RCVRN: variants seen among roughly 807,000 people sequenced by gnomAD.
RCVRN encodes the protein cancer associated retinopathy antigen.
A neutral mutation model predicts 20.4 loss-of-function variants in RCVRN; 23 were observed. The observed-to-expected ratio is 1.13, with a 90% CI of 0.81 to 1.60. The LOEUF (loss-of-function observed/expected upper bound fraction) is 1.60. RCVRN is among the 40% of genes most tolerant of loss of function. The probability of loss-of-function intolerance (pLI) is 0.00; values close to 1 mark genes in which losing one functional copy is unlikely to be tolerated. For missense variants in RCVRN, 254 were observed against 254.2 expected (o/e 1.00, Z 0.00); for synonymous variants, 105 against 105.9 (o/e 0.99, Z 0.05).
In RCVRN at chr17:9,904,975, A is replaced by C. The variant is rs1380879375; in HGVS notation, c.206T>G (p.Val69Gly). ...DTDPKAYAQH[V>G]FRSFDSNLDG... ...GAGGTTGGAATCGAAGCTGCGGAAC[A>C]CATGCTGGGCGTAGGCCTTGGGGTC... Residue 69 changes from valine to glycine, a missense_variant, in exon 1 of 3, where the codon GTG becomes GGG. Val to Gly is a moderately radical substitution (Grantham distance 109, BLOSUM62 -3). Transcript: ENST00000226193. The surrounding 1 kb of genome is among the most constrained non-coding windows in gnomAD (Gnocchi z 5.8). 1 of 1,614,174 alleles carries C rather than the reference A, an allele frequency of 6.2e-7. No individual in the cohort carries two copies. The highest frequency in any genetic ancestry group is 1.7e-5 in the Admixed American group (1 of 60,028).
chr17:9,898,206 T>C lies in RCVRN; in HGVS notation c.494-2A>G. The stretch of plus-strand genomic sequence containing the variant: ...TGAATTCTTTCTCTGTAAGTTTATC[T>C]GTGCATTGGGAAAAAATATATACGT... On this transcript the variant is annotated splice_acceptor_variant, in intron 2 of 2. Transcript: ENST00000226193. LOFTEE classifies it high-confidence loss of function. 1 of 1,591,912 alleles carries C rather than the reference T, an allele frequency of 6.3e-7. No homozygotes were observed. Among genetic ancestry groups the C allele is most frequent in the African/African-American group, 1.3e-5 (1 of 74,562 alleles).
At chr17:9,901,574 G>A (rs1053368728) in intron 1 of RCVRN, among the ~76,000 whole-genome samples, 4 of 152,202 alleles carry the variant, frequency 2.6e-5, no homozygotes, top group Non-Finnish European at 5.9e-5. Flanking sequence ...CTGGATAAAG[G>A]AGTAAAGAGG....
At chr17:9,903,781 C>T (rs1055488864) in intron 1 of RCVRN, among the ~76,000 whole-genome samples, 1 of 152,158 alleles carries the variant, frequency 6.6e-6, no homozygotes, top group African/African-American at 2.4e-5. Context: ...ATGGTAGAGC[C>T]GACTACATCC....
rs534691469 is a variant in RCVRN, at chr17:9,901,071, G to A, written c.411C>T (p.Asp137=). The A allele has an allele frequency of 1.8e-4, 291 of 1,605,296 alleles. 2 individuals are homozygous for A. In the South Asian group the frequency reaches 2.6e-3, roughly 15 times the overall value. ...TTTCATCGTCTGGAAGGAGCTTCAC[G>A]TCCTCGGGAGTGATCATTTTGAAAA... ...MAIFKMITPE[D]VKLLPDDENT... The change falls in exon 2 of 3, where the codon GAC becomes GAT. Residue 137 remains aspartate (D), a synonymous_variant. Transcript: ENST00000226193.
rs1365998563 is a variant in RCVRN, at chr17:9,897,445, C to T, written c.*650G>A. ...CTTCGTCAGGGATGTGGTCCCTGAT[C>T]CCCCCTGACAAGTCAGCCCCTTCCA... On this transcript the variant is annotated 3_prime_UTR_variant, in exon 3 of 3. Transcript: ENST00000226193. The T allele has an allele frequency of 6.6e-6, 1 of 151,266 alleles. No homozygotes were observed. Among genetic ancestry groups the T allele is most frequent in the East Asian group, 2.0e-4 (1 of 5,062 alleles). 9.4% of individuals were successfully genotyped at this position (151,266 alleles called of 1,614,324 possible).
Position 9,898,066 on chromosome 17 carries a change from G to A in RCVRN, c.*29C>T. The A allele has an allele frequency of 6.7e-7, 1 of 1,496,830 alleles. No homozygotes were observed. Among genetic ancestry groups the A allele is most frequent in the Non-Finnish European group, 9.3e-7 (1 of 1,073,424 alleles). 92.7% of individuals were successfully genotyped at this position (1,496,830 alleles called of 1,614,324 possible). ...CTCACGGGTGTCATGTGAGTGGTAGGTGGAGGGAGGACAGCTGAACAGTTG... is the reference window on the plus strand; with the variant it reads ...CTCACGGGTGTCATGTGAGTGGTAGATGGAGGGAGGACAGCTGAACAGTTG... On this transcript the variant is annotated 3_prime_UTR_variant, in exon 3 of 3. Coordinates refer to ENST00000226193, the MANE Select transcript of RCVRN (RefSeq NM_002903.3).
intron 1 of RCVRN, among the ~76,000 whole-genome samples, chr17:9,902,563 T>TAAGAA: frequency 6.7e-6 from 1 of 149,416 alleles, no homozygotes; most frequent in Non-Finnish European, 1.5e-5. Flanking sequence ...TGAAAAAGAA[T>TAAGAA]AAATTAAAAA....
At position 9,898,110 on chromosome 17, in the gene RCVRN, C is replaced by T. The variant is rs774442625; in HGVS notation, c.588G>A (p.Lys196=). The change falls in exon 3 of 3, where the codon AAG becomes AAA. Residue 196 remains lysine, a synonymous_variant. Transcript: ENST00000226193. ...ACAGTTGGCATCAGGCGTTCTTCAT[C>T]TTTTCCTTCACTTTTTGAGGCTCAA... ...IQFEPQKVKE[K]MKNA The T allele has an allele frequency of 5.0e-6, 8 of 1,613,510 alleles. No homozygotes were observed. Among genetic ancestry groups the T allele is most frequent in the Non-Finnish European group, 6.8e-6 (8 of 1,179,468 alleles).
Position 9,899,389 on chromosome 17 carries a change from T to C in RCVRN, c.494-1185A>G, listed in dbSNP as rs190213690. 4.6e-5 allele frequency among the ~76,000 whole-genome samples: 7 copies of C among 152,268 alleles called. No homozygotes were observed. Among genetic ancestry groups the C allele is most frequent in the African/African-American group, 1.7e-4 (7 of 41,552 alleles). On this transcript the variant is annotated intron_variant, in intron 2 of 2. Transcript: ENST00000226193. The surrounding 1 kb of genome is among the most constrained non-coding windows in gnomAD (Gnocchi z 4.6). The stretch of plus-strand genomic sequence containing the variant: ...AAAGCCTGACTCTGCCCTGAGGCAT[T>C]GTCTCCAGATGGGCCGCGTGGAAAC...
In RCVRN at chr17:9,896,750, T is replaced by A. The variant is rs1439187368; in HGVS notation, c.*1345A>T. On this transcript the variant is annotated 3_prime_UTR_variant, in exon 3 of 3. Transcript: ENST00000226193. ...TTCCTTGTCTCTAAAACAAGGGGCT[T>A]TAGGGCCATCTATGGCTCTGCCTTC... The A allele has an allele frequency of 6.6e-6, 1 of 152,276 alleles. No homozygotes were observed. The highest frequency in any genetic ancestry group is 1.5e-5 in the Non-Finnish European group (1 of 68,076). The allele number at this position is 152,276 out of a possible 1,614,324, so 9.4% of individuals were successfully genotyped here.
rs2067319866 is a variant in RCVRN, at chr17:9,897,017, C to A, written c.*1078G>T. 2 of 152,394 alleles carry A rather than the reference C, an allele frequency of 1.3e-5. No homozygotes were observed. Among genetic ancestry groups the A allele is most frequent in the African/African-American group, 4.8e-5 (2 of 41,452 alleles). 9.4% of individuals were successfully genotyped at this position (152,394 alleles called of 1,614,324 possible). A position where few individuals can be genotyped will look rare whatever the true frequency, so the allele number is the denominator to read the frequency against. On this transcript the variant is annotated 3_prime_UTR_variant, in exon 3 of 3. Coordinates refer to ENST00000226193, the MANE Select transcript of RCVRN (RefSeq NM_002903.3). ...TTGCCTTTCCCCTGGCCCAGGCCATCTGAGTGGCTGCAAAAGCTTATTCAT... is the reference window on the plus strand; with the variant it reads ...TTGCCTTTCCCCTGGCCCAGGCCATATGAGTGGCTGCAAAAGCTTATTCAT...
chr17:9,898,174 C>G lies in RCVRN; in HGVS notation c.524G>C (p.Gly175Ala). 2 of 1,613,276 alleles carry G rather than the reference C, an allele frequency of 1.2e-6. No homozygotes were observed. The highest frequency in any genetic ancestry group is 1.7e-6 in the Non-Finnish European group (2 of 1,179,304). ...DKLTEKEFIE[G>A]TLANKEILRL... Reference sequence around the variant, plus strand: ...CAGAATTTCCTTATTGGCCAGTGTCCCCTCAATGAATTCTTTCTCTGTAAG... The same window carrying G: ...CAGAATTTCCTTATTGGCCAGTGTCGCCTCAATGAATTCTTTCTCTGTAAG... The change falls in exon 3 of 3, where the codon GGG becomes GCG. Residue 175 changes from glycine to alanine, a missense_variant. Coordinates refer to ENST00000226193, the MANE Select transcript of RCVRN (RefSeq NM_002903.3).
rs1174987846 is a variant in RCVRN at position 9,901,069 on chromosome 17, A to G, written c.413T>C (p.Val138Ala). The G allele has an allele frequency of 2.5e-6, 4 of 1,609,396 alleles. No homozygotes were observed. The highest frequency in any genetic ancestry group is 2.6e-6 in the Non-Finnish European group (3 of 1,176,196). ...GTTTTCATCGTCTGGAAGGAGCTTC[A>G]CGTCCTCGGGAGTGATCATTTTGAA... ...AIFKMITPED[V>A]KLLPDDENTP... The change falls in exon 2 of 3, where the codon GTG becomes GCG. Residue 138 changes from valine (V) to alanine (A), a missense_variant. Physicochemically the swap from Val to Ala is moderately conservative, Grantham distance 64. Coordinates refer to ENST00000226193, the MANE Select transcript of RCVRN (RefSeq NM_002903.3).
rs2067331242 is a variant in RCVRN, at chr17:9,899,117, C to T, written c.494-913G>A. On this transcript the variant is annotated intron_variant, in intron 2 of 2. Transcript: ENST00000226193. The surrounding 1 kb of genome is among the most constrained non-coding windows in gnomAD (Gnocchi z 4.6). The stretch of plus-strand genomic sequence containing the variant: ...AAGGCAGTCACACGCAGAAATACCT[C>T]TAGCATGAGACAGATGCTCCTTTCT... Among the ~76,000 whole-genome samples, 1 of 152,216 alleles carries T rather than the reference C, an allele frequency of 6.6e-6. No individual in the cohort carries two copies. The highest frequency in any genetic ancestry group is 6.5e-5 in the Admixed American group (1 of 15,282).
intron 2 of RCVRN, among the ~76,000 whole-genome samples, chr17:9,898,614 G>A (rs1400634652): frequency 1.3e-5 from 2 of 152,190 alleles, no homozygotes; most frequent in Non-Finnish European, 2.9e-5. Flanking sequence ...GCTTCTGGGG[G>A]TCTGAGCATA....
At chr17:9,902,773 A>G (rs1229439092) in intron 1 of RCVRN, among the ~76,000 whole-genome samples, 1 of 152,144 alleles carries the variant, frequency 6.6e-6, no homozygotes. Flanking sequence ...CGAGGCGGGC[A>G]GATCACCTGA....
In RCVRN at chr17:9,901,082, T is replaced by C. The variant is rs7216623; in HGVS notation, c.400A>G (p.Thr134Ala). 2,122 of 1,600,624 alleles carry C rather than the reference T, an allele frequency of 1.3e-3. 32 individuals carry two copies. The African/African-American group carries it at 0.025, about 19-fold the overall frequency. The change falls in exon 2 of 3, where the codon ACT (threonine) becomes GCT (alanine). Residue 134 changes from threonine to alanine, a missense_variant. By Grantham distance (58) the Thr-to-Ala change is moderately conservative. Transcript: ENST00000226193. ...EIVMAIFKMI[T>A]PEDVKLLPDD... Reference sequence around the variant, plus strand: ...GGAAGGAGCTTCACGTCCTCGGGAGTGATCATTTTGAAAATAGCCTGTACC... The same window carrying C: ...GGAAGGAGCTTCACGTCCTCGGGAGCGATCATTTTGAAAATAGCCTGTACC...
In RCVRN at chr17:9,899,430, C is replaced by T. The variant is rs914847592; in HGVS notation, c.494-1226G>A. ...GCGTGGAAACACGTACAACACATCA[C>T]GAACAGGAGTAACACGTCGACCTCG... On this transcript the variant is annotated intron_variant, in intron 2 of 2. Coordinates refer to ENST00000226193, the MANE Select transcript of RCVRN (RefSeq NM_002903.3). The surrounding 1 kb of genome is among the most constrained non-coding windows in gnomAD (Gnocchi z 4.6). Among the ~76,000 whole-genome samples the T allele has an allele frequency of 1.3e-5, 2 of 152,190 alleles. No homozygotes were observed. Among genetic ancestry groups the T allele is most frequent in the Non-Finnish European group, 2.9e-5 (2 of 68,040 alleles).
intron 2 of RCVRN, among the ~76,000 whole-genome samples, chr17:9,898,447 G>C (rs2067328387): frequency 6.6e-6 from 1 of 152,142 alleles, no homozygotes; most frequent in African/African-American, 2.4e-5. Flanking sequence ...ACTGGCACTG[G>C]GGGGGCCCCC....
Sources: gnomAD v4.1 joint callset for allele counts (sites outside exome capture counted in the v4.1 genomes callset) on GRCh38, gnomAD v4.1.1 for gene constraint, Gnocchi (gnomAD v3.1) non-coding constraint, MANE v1.5 for transcripts, NCBI Gene and HGNC (gene_info 2026-07-23, HGNC 2026-07-21) for gene names.